Variants in KHDRBS2 observed in about 807,000 individuals in gnomAD.
KHDRBS2 encodes KH RNA binding domain containing, signal transduction associated 2.
KHDRBS2 carries 26 observed loss-of-function variants against 44.3 expected under a neutral mutation model. The observed-to-expected ratio is 0.59, with a 90% CI of 0.43 to 0.81. KHDRBS2 has a LOEUF of 0.81. KHDRBS2 is among the 40% of genes least tolerant of loss of function. The pLI, the probability that KHDRBS2 is intolerant of heterozygous loss-of-function variation, is 0.00. For missense variants in KHDRBS2, 476 were observed against 433.1 expected (o/e 1.10, Z -0.88); for synonymous variants, 194 against 151.1 (o/e 1.28, Z -2.08).
At chr6:61,983,836 A>G (rs1486875208) in intron 3 of KHDRBS2, among the ~76,000 whole-genome samples, 1 of 152,212 alleles carries the variant, frequency 6.6e-6, no homozygotes, top group Admixed American at 6.5e-5. Context: ...TTATGTTTCA[A>G]TGGAAAACTA....
chr6:62,055,050 G>A (rs1789953428), intron 2 of KHDRBS2, among the ~76,000 whole-genome samples: 1 of 151,880 alleles, frequency 6.6e-6, no homozygotes, highest in African/African-American at 2.4e-5. Flanking sequence ...AGAACTTCTA[G>A]AAGAAAATTT....
intron 8 of KHDRBS2, among the ~76,000 whole-genome samples, chr6:61,687,503 C>G (rs1420773867): frequency 6.6e-6 from 1 of 151,924 alleles, no homozygotes; most frequent in East Asian, 1.9e-4. Context: ...CCATAGGCTT[C>G]CCTCAGATGG....
intron 8 of KHDRBS2, among the ~76,000 whole-genome samples, chr6:61,693,919 C>A (rs1343009690): frequency 6.6e-6 from 1 of 152,260 alleles, no homozygotes; most frequent in Admixed American, 6.5e-5. Context: ...TGTATTTAAA[C>A]ACTTTTTCCA....
At chr6:61,895,223 A>C (rs1228695467) in intron 5 of KHDRBS2, among the ~76,000 whole-genome samples, 1 of 151,754 alleles carries the variant, frequency 6.6e-6, no homozygotes, top group African/African-American at 2.4e-5. Context: ...CTGATATATG[A>C]CTCACTGGAC....
chr6:61,722,007 A>G (rs12182617), intron 7 of KHDRBS2, among the ~76,000 whole-genome samples: 1,730 of 150,688 alleles, frequency 0.011, 36 homozygotes, highest in African/African-American at 0.04. Context: ...GAATTTTGTC[A>G]AAGGCCTTTT....
chr6:61,954,060 T>C (rs1260425949), intron 4 of KHDRBS2, among the ~76,000 whole-genome samples: 1 of 151,966 alleles, frequency 6.6e-6, no homozygotes, highest in African/African-American at 2.4e-5. Flanking sequence ...GTCTGTCAAA[T>C]AGTAACAGAG....
At chr6:62,091,286 T>A (rs1799454000) in intron 2 of KHDRBS2, among the ~76,000 whole-genome samples, 1 of 52,908 alleles carries the variant, frequency 1.9e-5, no homozygotes, top group South Asian at 6.2e-4. Flanking sequence ...CAGTATTTTT[T>A]ATTTTTCATT....
At chr6:61,984,833 T>C (rs1386289463) in intron 3 of KHDRBS2, among the ~76,000 whole-genome samples, 1 of 152,178 alleles carries the variant, frequency 6.6e-6, no homozygotes, top group Non-Finnish European at 1.5e-5. Context: ...TCTGCCAACA[T>C]TAAATATGCA....
At chr6:62,208,031 TCTC>T (rs149646371) in intron 1 of KHDRBS2, among the ~76,000 whole-genome samples, 9 of 152,252 alleles carry the variant, frequency 5.9e-5, no homozygotes, top group African/African-American at 1.9e-4. Flanking sequence ...TTGACCCACA[TCTC>T]CTCATTTTCT....
chr6:61,586,402 C>A, the KHDRBS2 span, among the ~76,000 whole-genome samples: 1 of 152,088 alleles, frequency 6.6e-6, no homozygotes, highest in Admixed American at 6.6e-5. Context: ...ATATCTTCCA[C>A]GTTTTCCACC....
the KHDRBS2 span, among the ~76,000 whole-genome samples, chr6:61,586,148 C>T: frequency 2.3e-3 from 352 of 152,228 alleles, 2 homozygotes; most frequent in African/African-American, 8.2e-3. Flanking sequence ...TACTTAAATC[C>T]TTTATTTGCT....
intron 2 of KHDRBS2, among the ~76,000 whole-genome samples, chr6:62,065,855 A>G (rs1447473567): frequency 6.6e-6 from 1 of 151,882 alleles, no homozygotes; most frequent in East Asian, 1.9e-4. Context: ...AAATGATTCA[A>G]CATGAATTTT....
At chr6:62,189,469 G>A (rs1240424192) in intron 1 of KHDRBS2, among the ~76,000 whole-genome samples, 1 of 151,938 alleles carries the variant, frequency 6.6e-6, no homozygotes, top group East Asian at 1.9e-4. Flanking sequence ...GCCATTTTAA[G>A]CGCTTAGGTT....
At chr6:61,746,304 C>T (rs909373374) in intron 6 of KHDRBS2, among the ~76,000 whole-genome samples, 3 of 152,074 alleles carry the variant, frequency 2.0e-5, no homozygotes, top group African/African-American at 7.2e-5. Context: ...GCTCTCCCTC[C>T]CCTTGCCCCC....
At chr6:61,744,298 C>T (rs1776574518) in intron 6 of KHDRBS2, among the ~76,000 whole-genome samples, 1 of 152,122 alleles carries the variant, frequency 6.6e-6, no homozygotes, top group East Asian at 1.9e-4. Flanking sequence ...GAAAGTGTGT[C>T]CAGGTTAGAT....
At chr6:62,191,631 C>G (rs139583529) in intron 1 of KHDRBS2, among the ~76,000 whole-genome samples, 143 of 152,230 alleles carry the variant, frequency 9.4e-4, no homozygotes, top group African/African-American at 3.3e-3. Context: ...CAGGCCCACC[C>G]ATCAGCCTGT....
chr6:62,252,681 G>A (rs1215783100), intron 1 of KHDRBS2, among the ~76,000 whole-genome samples: 1 of 151,904 alleles, frequency 6.6e-6, no homozygotes, highest in African/African-American at 2.4e-5. Flanking sequence ...AATCTTTTAT[G>A]ACAGCACTTT....
At chr6:61,565,069 G>T in the KHDRBS2 span, among the ~76,000 whole-genome samples, 6 of 151,940 alleles carry the variant, frequency 3.9e-5, no homozygotes, top group Middle Eastern at 3.2e-3. Context: ...ATTAAGGGAA[G>T]GGACAGTCTT....
the KHDRBS2 span, among the ~76,000 whole-genome samples, chr6:61,637,278 G>A: frequency 6.6e-6 from 1 of 151,114 alleles, no homozygotes; most frequent in South Asian, 2.1e-4. Flanking sequence ...GTGAGAATAT[G>A]CGGTGTTTGT....
Sources: gnomAD v4.1 joint callset for allele counts (sites outside exome capture counted in the v4.1 genomes callset) on GRCh38, gnomAD v4.1.1 for gene constraint, MANE v1.5 for transcripts, NCBI Gene and HGNC (gene_info 2026-07-23, HGNC 2026-07-21) for gene names.